The following SUGCT variants were observed in gnomAD, a reference collection of about 807,000 sequenced individuals.
The protein encoded by SUGCT is succinyl-CoA:glutarate CoA-transferase.
SUGCT carries 41 observed loss-of-function variants against 55.0 expected under a neutral mutation model. The ratio of observed to expected loss-of-function variants is 0.74; its 90% CI spans 0.58 to 0.97. The LOEUF (loss-of-function observed/expected upper bound fraction) is 0.97, where lower values mean the gene tolerates loss of function less well. Among genes scored for constraint, SUGCT ranks in the 50% least tolerant of loss-of-function variants. The pLI is 0.00. For missense variants in SUGCT, 568 were observed against 547.8 expected (o/e 1.04, Z -0.37); for synonymous variants, 187 against 200.4 (o/e 0.93, Z 0.56).
At position 40,522,696 on chromosome 7, in the gene SUGCT, A is replaced by C. The variant is rs577961731; in HGVS notation, c.1089+26310A>C. ...TTCCATCCAGGCAGTAGCTAGACTG[A>C]GTTCTTCTTTTTCCTCTTAGTTTTA... On this transcript the variant is annotated intron_variant, in intron 12 of 13. Coordinates refer to ENST00000335693, the MANE Select transcript of SUGCT (RefSeq NM_001193313.2). Among the ~76,000 whole-genome samples, 5 of 152,188 alleles carry C rather than the reference A, an allele frequency of 3.3e-5. No individual in the cohort carries two copies. In the South Asian group the frequency reaches 1.0e-3, roughly 32 times the overall value.
chr7:40,752,422 C>T (rs1284211198), intron 13 of SUGCT, among the ~76,000 whole-genome samples: 9 of 152,184 alleles, frequency 5.9e-5, no homozygotes, highest in Non-Finnish European at 1.5e-5. Flanking sequence ...GTGACGCAAT[C>T]TCAGCTCACT....
the SUGCT span, among the ~76,000 whole-genome samples, chr7:40,937,151 A>G: frequency 1.3e-5 from 2 of 151,974 alleles, no homozygotes; most frequent in Non-Finnish European, 2.9e-5. Flanking sequence ...GTTATTTTTC[A>G]GTTTAGTTGT....
chr7:40,527,944 C>G (rs1562839023), intron 12 of SUGCT, among the ~76,000 whole-genome samples: 1 of 152,100 alleles, frequency 6.6e-6, no homozygotes, highest in Non-Finnish European at 1.5e-5. Flanking sequence ...ATTTTAAACT[C>G]AGTGCCCTTG....
intron 9 of SUGCT, among the ~76,000 whole-genome samples, chr7:40,377,128 C>CT (rs1491225270): frequency 1.6e-4 from 1 of 6,318 alleles, no homozygotes; most frequent in African/African-American, 2.6e-4. Context: ...TTCAGCCTTC[C>CT]TCTTTCTTTC....
intron 3 of SUGCT, among the ~76,000 whole-genome samples, chr7:40,186,690 G>A (rs904355698): frequency 6.6e-6 from 1 of 152,092 alleles, no homozygotes. Context: ...GTGCCTGCAG[G>A]GCCAGGCAGG....
intron 7 of SUGCT, among the ~76,000 whole-genome samples, chr7:40,241,919 C>CATA (rs1789423521): frequency 7.6e-6 from 1 of 130,882 alleles, no homozygotes; most frequent in South Asian, 2.5e-4. Flanking sequence ...ACTCTGTCTC[C>CATA]AAAAAAAAAA....
the SUGCT span, among the ~76,000 whole-genome samples, chr7:40,904,103 TC>T: frequency 6.2e-4 from 94 of 152,310 alleles, no homozygotes; most frequent in African/African-American, 2.1e-3. Flanking sequence ...ATAGCCCCTT[TC>T]AGCAACTCAT....
At chr7:40,881,869 A>T in the SUGCT span, among the ~76,000 whole-genome samples, 1 of 152,210 alleles carries the variant, frequency 6.6e-6, no homozygotes, top group Non-Finnish European at 1.5e-5. Context: ...GCCCTGGAAA[A>T]AGGCATAATC....
At chr7:40,254,173 A>C (rs1050186715) in intron 7 of SUGCT, among the ~76,000 whole-genome samples, 2 of 152,212 alleles carry the variant, frequency 1.3e-5, no homozygotes, top group Non-Finnish European at 2.9e-5. Flanking sequence ...GGAAAGCAAA[A>C]TCTTCAAATT....
intron 9 of SUGCT, among the ~76,000 whole-genome samples, chr7:40,392,087 G>C (rs910023127): frequency 3.3e-5 from 5 of 152,142 alleles, no homozygotes; most frequent in Admixed American, 1.3e-4. Flanking sequence ...TGAACAATGA[G>C]AATACTTGGA....
At chr7:40,945,498 C>A in the SUGCT span, among the ~76,000 whole-genome samples, 25 of 152,228 alleles carry the variant, frequency 1.6e-4, no homozygotes, top group Admixed American at 9.2e-4. Flanking sequence ...CAAGCTCCTG[C>A]AGGAGAAGCC....
At chr7:40,295,563 A>G (rs2151064554) in intron 8 of SUGCT, among the ~76,000 whole-genome samples, 1 of 151,350 alleles carries the variant, frequency 6.6e-6, no homozygotes, top group Non-Finnish European at 1.5e-5. Flanking sequence ...GTGATAAAGG[A>G]AGACTCTGTC....
At chr7:40,296,201 G>A (rs974887849) in intron 8 of SUGCT, among the ~76,000 whole-genome samples, 1 of 152,166 alleles carries the variant, frequency 6.6e-6, no homozygotes, top group Non-Finnish European at 1.5e-5. Flanking sequence ...GCAAGTCATA[G>A]GAAAATAAAA....
chr7:40,983,475 C>A, the SUGCT span, among the ~76,000 whole-genome samples: 4 of 152,174 alleles, frequency 2.6e-5, no homozygotes, highest in African/African-American at 9.7e-5. Flanking sequence ...TCACTGGCTG[C>A]TTAGCACAAA....
chr7:40,228,327 T>C (rs1293013989), intron 6 of SUGCT, among the ~76,000 whole-genome samples: 2 of 152,234 alleles, frequency 1.3e-5, no homozygotes, highest in South Asian at 2.1e-4. Context: ...AGTTGAGTTA[T>C]ATATTTCTTA....
At chr7:40,580,733 G>A (rs538886328) in intron 12 of SUGCT, among the ~76,000 whole-genome samples, 19 of 152,264 alleles carry the variant, frequency 1.2e-4, no homozygotes, top group East Asian at 9.6e-4. Context: ...CCACATGGAC[G>A]GTGGTTCTAT....
At chr7:40,754,782 T>A (rs1255182342) in intron 13 of SUGCT, among the ~76,000 whole-genome samples, 1 of 152,248 alleles carries the variant, frequency 6.6e-6, no homozygotes, top group African/African-American at 2.4e-5. Flanking sequence ...TGTGATGTGC[T>A]ACTGTAAATA....
intron 12 of SUGCT, among the ~76,000 whole-genome samples, chr7:40,696,078 A>G (rs181460845): frequency 9.8e-5 from 15 of 152,288 alleles, no homozygotes; most frequent in Non-Finnish European, 1.9e-4. Flanking sequence ...GTCTAATAGC[A>G]TATGTCTAGT....
At chr7:40,573,563 G>A (rs1268095010) in intron 12 of SUGCT, among the ~76,000 whole-genome samples, 1 of 152,178 alleles carries the variant, frequency 6.6e-6, no homozygotes, top group East Asian at 1.9e-4. Context: ...TGTATAATCT[G>A]TTTTGTATGG....
Sources: allele counts gnomAD v4.1 joint callset (sites outside exome capture counted in the v4.1 genomes callset), GRCh38; gene constraint gnomAD v4.1.1; transcripts MANE v1.5; gene names NCBI Gene and HGNC (gene_info 2026-07-23, HGNC 2026-07-21).